EPCIP: variants seen among roughly 807,000 people sequenced by gnomAD.
EPCIP encodes exosomal polycystin-1-interacting protein.
At chr21:32,806,414 G>A in the EPCIP span, among the ~76,000 whole-genome samples, 18 of 152,326 alleles carry the variant, frequency 1.2e-4, no homozygotes, top group African/African-American at 4.3e-4. Context: ...GCAGATGAAA[G>A]GACCATTGTG....
the EPCIP span, among the ~76,000 whole-genome samples, chr21:32,810,947 A>G: frequency 6.6e-6 from 1 of 152,228 alleles, no homozygotes; most frequent in Non-Finnish European, 1.5e-5. Context: ...ATACTATAAT[A>G]TATAAAATGT....
the EPCIP span, among the ~76,000 whole-genome samples, chr21:32,805,249 G>A: frequency 2.6e-5 from 4 of 152,182 alleles, no homozygotes; most frequent in African/African-American, 9.7e-5. Flanking sequence ...AAGGAACCAG[G>A]CCTACTGACA....
chr21:32,790,911 C>T, the EPCIP span: 1 of 152,240 alleles, frequency 6.6e-6, no homozygotes, highest in South Asian at 2.1e-4. Flanking sequence ...GGCAAGCCGA[C>T]ATTTACAAAT....
the EPCIP span, among the ~76,000 whole-genome samples, chr21:32,803,688 T>A: frequency 6.6e-6 from 1 of 152,270 alleles, no homozygotes; most frequent in African/African-American, 2.4e-5. Flanking sequence ...TCAAAGCTTA[T>A]GAAGTTGAAA....
At chr21:32,802,827 G>C in the EPCIP span, among the ~76,000 whole-genome samples, 1 of 152,164 alleles carries the variant, frequency 6.6e-6, no homozygotes, top group African/African-American at 2.4e-5. Context: ...TGTCTCCCAG[G>C]CTGGAGTGCA....
chr21:32,796,063 T>C, the EPCIP span, among the ~76,000 whole-genome samples: 1 of 150,646 alleles, frequency 6.6e-6, no homozygotes, highest in African/African-American at 2.4e-5. Context: ...CTTCCTTCCT[T>C]CAACTAATGC....
the EPCIP span, chr21:32,797,056 C>T: frequency 9.4e-5 from 44 of 469,010 alleles, 1 homozygote; most frequent in African/African-American, 8.0e-5. Flanking sequence ...AGCAACTTCC[C>T]GACAGTAAGG....
At chr21:32,809,588 A>G in the EPCIP span, among the ~76,000 whole-genome samples, 1 of 151,924 alleles carries the variant, frequency 6.6e-6, no homozygotes, top group African/African-American at 2.4e-5. Context: ...AGGCTGATCT[A>G]CAACTTCTGG....
chr21:32,805,358 A>ATT, the EPCIP span, among the ~76,000 whole-genome samples: 37 of 151,722 alleles, frequency 2.4e-4, no homozygotes, highest in African/African-American at 4.3e-4. Flanking sequence ...ATTGTAGATT[A>ATT]TATTTTTTTT....
At chr21:32,809,276 C>CCTCCT in the EPCIP span, among the ~76,000 whole-genome samples, 51 of 97,894 alleles carry the variant, frequency 5.2e-4, 1 homozygote, top group Middle Eastern at 4.9e-3. Flanking sequence ...TCCCTCCCTC[C>CCTCCT]TTCCTTTCTT....
At chr21:32,800,987 CCTT>C in the EPCIP span, among the ~76,000 whole-genome samples, 1 of 152,172 alleles carries the variant, frequency 6.6e-6, no homozygotes, top group Non-Finnish European at 1.5e-5. Flanking sequence ...GTTCTCCTCT[CCTT>C]CTTTAGCACA....
At chr21:32,809,279 C>CCTTCCTTTCTTT in the EPCIP span, among the ~76,000 whole-genome samples, 200 of 80,068 alleles carry the variant, frequency 2.5e-3, 1 homozygote, top group African/African-American at 8.4e-3. Context: ...CTCCCTCCTT[C>CCTTCCTTTCTTT]CTTTCTTTCT....
At chr21:32,804,880 G>C in the EPCIP span, among the ~76,000 whole-genome samples, 6 of 152,268 alleles carry the variant, frequency 3.9e-5, no homozygotes, top group South Asian at 1.2e-3. Flanking sequence ...GGAACAGCAG[G>C]AATATGGGAT....
chr21:32,802,909 C>T, the EPCIP span, among the ~76,000 whole-genome samples: 39 of 152,300 alleles, frequency 2.6e-4, no homozygotes, highest in African/African-American at 9.1e-4. Context: ...AGCCTCTCAT[C>T]GTTGTCTCAT....
At chr21:32,798,070 C>T in the EPCIP span, 1 of 152,226 alleles carries the variant, frequency 6.6e-6, no homozygotes, top group African/African-American at 2.4e-5. Context: ...TGTGGTGGCT[C>T]ATACCTGTAA....
At chr21:32,810,499 G>T in the EPCIP span, 1 of 452,134 alleles carries the variant, frequency 2.2e-6, no homozygotes, top group African/African-American at 2.0e-5. Context: ...CTGACCTCGT[G>T]ATCCGCCCGC....
At chr21:32,806,264 G>C in the EPCIP span, among the ~76,000 whole-genome samples, 1 of 152,214 alleles carries the variant, frequency 6.6e-6, no homozygotes, top group Non-Finnish European at 1.5e-5. Context: ...TGAGGAATGA[G>C]GGACAGATGG....
chr21:32,795,854 G>A, the EPCIP span, among the ~76,000 whole-genome samples: 1 of 152,222 alleles, frequency 6.6e-6, no homozygotes, highest in African/African-American at 2.4e-5. Context: ...ATAGAAGTAA[G>A]CTCTGCCGCG....
chr21:32,809,279 C>CTTTTTCTTT, the EPCIP span, among the ~76,000 whole-genome samples: 1 of 79,968 alleles, frequency 1.3e-5, no homozygotes, highest in South Asian at 5.1e-4. Context: ...CTCCCTCCTT[C>CTTTTTCTTT]CTTTCTTTCT....
Sources: allele counts gnomAD v4.1 joint callset (sites outside exome capture counted in the v4.1 genomes callset), GRCh38; gene constraint gnomAD v4.1.1; transcripts MANE v1.5; gene names NCBI Gene and HGNC (gene_info 2026-07-23, HGNC 2026-07-21).